COLEC10: variants seen among roughly 807,000 people sequenced by gnomAD.
COLEC10 encodes collectin subfamily member 10, also known as collectin-10.
COLEC10 carries 22 observed loss-of-function variants against 28.4 expected under a neutral mutation model. The observed-to-expected ratio is 0.78, with a 90% confidence interval of 0.55 to 1.11. COLEC10 has a LOEUF of 1.11. Ranked by LOEUF, COLEC10 falls within the 50% of genes least tolerant of loss-of-function variation. The pLI, the probability that COLEC10 is intolerant of heterozygous loss-of-function variation, is 0.00. For missense variants in COLEC10, 361 were observed against 344.1 expected (o/e 1.05, Z -0.39); for synonymous variants, 125 against 116.1 (o/e 1.08, Z -0.49).
chr8:119,022,285 T>A (rs892047132), intron 2 of COLEC10, among the ~76,000 whole-genome samples: 1 of 152,158 alleles, frequency 6.6e-6, no homozygotes, highest in Admixed American at 6.6e-5. Flanking sequence ...ACAAAGAGAC[T>A]GAGCACCCTC....
chr8:119,068,565 A>C (rs1001736413), intron 1 of COLEC10: 2 of 152,164 alleles, frequency 1.3e-5, no homozygotes, highest in African/African-American at 4.8e-5. Flanking sequence ...CTGGGGTGTC[A>C]TGGGGGCATT....
At chr8:119,004,081 T>A (rs1032627378) in intron 1 of COLEC10, among the ~76,000 whole-genome samples, 1 of 152,066 alleles carries the variant, frequency 6.6e-6, no homozygotes, top group Non-Finnish European at 1.5e-5. Context: ...GTAGCATACT[T>A]TTGGAGAAGC....
intron 1 of COLEC10, among the ~76,000 whole-genome samples, chr8:119,069,605 CAAAAAAAAA>C (rs138362458): frequency 4.5e-4 from 4 of 8,802 alleles, no homozygotes; most frequent in East Asian, 4.3e-3. Context: ...GACCCCATCT[CAAAAAAAAA>C]AAAAAAAAAA....
At chr8:118,957,143 C>T in the COLEC10 span, among the ~76,000 whole-genome samples, 1 of 152,190 alleles carries the variant, frequency 6.6e-6, no homozygotes, top group African/African-American at 2.4e-5. Flanking sequence ...GCACCAAAAA[C>T]ATATACATTT....
intron 2 of COLEC10, among the ~76,000 whole-genome samples, chr8:119,027,457 A>C (rs897873314): frequency 6.6e-6 from 1 of 152,048 alleles, no homozygotes; most frequent in African/African-American, 2.4e-5. Context: ...TTCCTTCCAA[A>C]TAATCCTTTG....
chr8:118,956,400 T>C, the COLEC10 span, among the ~76,000 whole-genome samples: 1 of 152,206 alleles, frequency 6.6e-6, no homozygotes, highest in African/African-American at 2.4e-5. Flanking sequence ...GAAAACTCTC[T>C]TAAACTGCAA....
At chr8:118,990,980 CAA>C (rs1563709442), upstream of COLEC10, among the ~76,000 whole-genome samples, 1 of 137,278 alleles carries the variant, frequency 7.3e-6, no homozygotes, top group East Asian at 2.8e-4. Context: ...AAAAAAAAAA[CAA>C]AACACCATAA....
the COLEC10 span, among the ~76,000 whole-genome samples, chr8:118,985,073 G>A: frequency 6.1e-5 from 9 of 147,124 alleles, no homozygotes; most frequent in African/African-American, 2.4e-4. Context: ...ATTTGGGGTG[G>A]GGGGGACACA....
intron 2 of COLEC10, among the ~76,000 whole-genome samples, chr8:119,025,025 G>T (rs1383160859): frequency 6.6e-6 from 1 of 152,042 alleles, no homozygotes; most frequent in Non-Finnish European, 1.5e-5. Flanking sequence ...CTAACAAAAA[G>T]ATCCCACTTT....
At chr8:119,095,434 G>A (rs2130291419) in intron 3 of COLEC10, among the ~76,000 whole-genome samples, 1 of 152,258 alleles carries the variant, frequency 6.6e-6, no homozygotes, top group East Asian at 1.9e-4. Flanking sequence ...CAGGCACGGT[G>A]GCTCATGCTT....
chr8:119,001,342 A>C (rs1813696508), intron 1 of COLEC10, among the ~76,000 whole-genome samples: 1 of 152,144 alleles, frequency 6.6e-6, no homozygotes, highest in Non-Finnish European at 1.5e-5. Flanking sequence ...AGGGAGGTTA[A>C]ATTTTGCCTA....
chr8:118,961,972 G>A, the COLEC10 span, among the ~76,000 whole-genome samples: 1 of 152,120 alleles, frequency 6.6e-6, no homozygotes, highest in African/African-American at 2.4e-5. Flanking sequence ...GTTCTCCAAG[G>A]CCTACTTGTC....
At chr8:119,054,075 A>G (rs1372371048) in intron 2 of COLEC10, among the ~76,000 whole-genome samples, 1 of 152,062 alleles carries the variant, frequency 6.6e-6, no homozygotes, top group East Asian at 1.9e-4. Context: ...CAATATTACA[A>G]CAGTATCTCT....
chr8:119,041,463 C>T (rs181213898), intron 2 of COLEC10, among the ~76,000 whole-genome samples: 92 of 152,238 alleles, frequency 6.0e-4, no homozygotes, highest in Non-Finnish European at 1.2e-3. Context: ...AACAGAATTG[C>T]TAAGCACTAG....
upstream of COLEC10, among the ~76,000 whole-genome samples, chr8:118,991,327 C>T (rs1040814912): frequency 8.5e-5 from 13 of 152,202 alleles, no homozygotes; most frequent in Admixed American, 7.2e-4. Context: ...GAACTAGTAC[C>T]CATTTCATCA....
At chr8:119,012,922 G>T (rs1442916280) in intron 2 of COLEC10, among the ~76,000 whole-genome samples, 1 of 149,828 alleles carries the variant, frequency 6.7e-6, no homozygotes, top group African/African-American at 2.5e-5. Flanking sequence ...TCAACTTTTG[G>T]TTGTGATGAT....
chr8:119,031,219 A>G (rs1413212213), intron 2 of COLEC10, among the ~76,000 whole-genome samples: 1 of 152,210 alleles, frequency 6.6e-6, no homozygotes, highest in Non-Finnish European at 1.5e-5. Context: ...TCTCAGTCAC[A>G]AGAGTCAGGG....
intron 1 of COLEC10, among the ~76,000 whole-genome samples, chr8:119,005,874 G>T (rs189381232): frequency 6.6e-6 from 1 of 152,076 alleles, no homozygotes; most frequent in East Asian, 1.9e-4. Flanking sequence ...TAGTTGGGTA[G>T]CTCAAGCATT....
chr8:119,088,901 G>A (rs16891984), intron 1 of COLEC10, among the ~76,000 whole-genome samples: 4,335 of 152,236 alleles, frequency 0.028, 156 homozygotes, highest in East Asian at 0.19. Flanking sequence ...ACTCCAGTAG[G>A]TGTTATCAGA....
Sources: gnomAD v4.1 joint callset for allele counts (sites outside exome capture counted in the v4.1 genomes callset) on GRCh38, gnomAD v4.1.1 for gene constraint, MANE v1.5 for transcripts, NCBI Gene and HGNC (gene_info 2026-07-23, HGNC 2026-07-21) for gene names.